The following CDH22 variants were observed in gnomAD, a reference collection of about 807,000 sequenced individuals.
The protein encoded by CDH22 is cadherin 22.
In CDH22, 30 loss-of-function variants were observed where a neutral mutation model predicts 58.4. The observed-to-expected ratio is 0.51, with a 90% CI of 0.38 to 0.70. The LOEUF (loss-of-function observed/expected upper bound fraction) is 0.70, where lower values mean the gene tolerates loss of function less well. Ranked by LOEUF, CDH22 falls within the 30% of genes least tolerant of loss-of-function variation. CDH22 has a pLI of 0.00. For missense variants in CDH22, 1,014 were observed against 1,233.9 expected, an observed-to-expected ratio of 0.82 and a Z score of 2.67; for synonymous variants, 513 against 558.2, an observed-to-expected ratio of 0.92 and a Z score of 1.14.
intron 1 of CDH22, among the ~76,000 whole-genome samples, chr20:46,274,824 A>G (rs2086509309): frequency 1.1e-5 from 1 of 93,072 alleles, no homozygotes; most frequent in Non-Finnish European, 2.5e-5. Context: ...AATGAGCCAG[A>G]TGCAAAAAAA....
chr20:46,193,449 T>C (rs528927102), intron 8 of CDH22, among the ~76,000 whole-genome samples: 2 of 152,270 alleles, frequency 1.3e-5, no homozygotes, highest in Admixed American at 1.3e-4. Context: ...GCCTCCCATA[T>C]GTTCCCCCGA....
chr20:46,174,502 G>A lies in CDH22; in HGVS notation c.*4C>T. ...CAGCCGCGCCCCGACGGCAGGGCGA[G>A]GGGCTAGGAGGCCTGGGCCTCGTCG... On this transcript the variant is annotated 3_prime_UTR_variant, in exon 12 of 12. Transcript: ENST00000537909. This position sits in a 1 kb window ranked among gnomAD's most constrained non-coding sequence, Gnocchi z 4.4. 1.3e-6 allele frequency: 2 copies of A among 1,485,750 alleles called. No individual in the cohort carries two copies. The highest frequency in any genetic ancestry group is 1.8e-6 in the Non-Finnish European group (2 of 1,125,358). 92.0% of individuals were successfully genotyped at this position (1,485,750 alleles called of 1,614,324 possible).
intron 3 of CDH22, among the ~76,000 whole-genome samples, chr20:46,234,670 T>A (rs1600709552): frequency 6.6e-6 from 1 of 152,248 alleles, no homozygotes; most frequent in East Asian, 1.9e-4. Flanking sequence ...CTATGGCATG[T>A]GCGCTATGAC....
At chr20:46,177,798 C>T in intron 11 of CDH22, 148 bp downstream of exon 11, 1 of 1,014,100 alleles carries the variant, frequency 9.9e-7, no homozygotes, top group South Asian at 1.6e-5. Context: ...CTCATGGGGG[C>T]TGCTTGTTAG....
At chr20:46,189,300 C>G (rs1055199538) in intron 8 of CDH22, among the ~76,000 whole-genome samples, 1 of 152,154 alleles carries the variant, frequency 6.6e-6, no homozygotes, top group African/African-American at 2.4e-5. Context: ...CCGGGTGAAC[C>G]GTTATTTTTA....
chr20:46,213,763 A>G (rs1364937508), intron 5 of CDH22, among the ~76,000 whole-genome samples: 1 of 152,196 alleles, frequency 6.6e-6, no homozygotes, highest in Non-Finnish European at 1.5e-5. Context: ...CTTCATTTCA[A>G]TGTATACATT....
intron 5 of CDH22, among the ~76,000 whole-genome samples, chr20:46,213,640 A>G (rs983946800): frequency 2.0e-5 from 3 of 152,186 alleles, no homozygotes; most frequent in Admixed American, 2.0e-4. Flanking sequence ...GACGCCTGTA[A>G]CATGCTTAGT....
In CDH22 at chr20:46,174,402, TG is replaced by T; in HGVS notation, c.*103del. 4 of 755,954 alleles carry T rather than the reference TG, an allele frequency of 5.3e-6. No homozygotes were observed. Among genetic ancestry groups the T allele is most frequent in the Non-Finnish European group, 7.9e-6 (4 of 505,840 alleles). 46.8% of individuals were successfully genotyped at this position (755,954 alleles called of 1,614,324 possible). A position where few individuals can be genotyped will look rare whatever the true frequency, so the allele number is the denominator to read the frequency against. On this transcript the variant is annotated 3_prime_UTR_variant, in exon 12 of 12. Coordinates refer to ENST00000537909, the MANE Select transcript of CDH22 (RefSeq NM_021248.3). The surrounding 1 kb of genome is among the most constrained non-coding windows in gnomAD (Gnocchi z 4.4). ...CTCCGTCCAGCCGCCAAGGGAGGGT[TG>T]GGGGAGGGCAGGAAAGGGGGTCCGC...
At chr20:46,258,342 G>A (rs2086416449) in intron 1 of CDH22, among the ~76,000 whole-genome samples, 1 of 152,126 alleles carries the variant, frequency 6.6e-6, no homozygotes, top group Non-Finnish European at 1.5e-5. Flanking sequence ...TGAGGCTCAG[G>A]ACACAAATCA....
rs1332847138 is a variant in CDH22, at chr20:46,174,560, G to C, written c.2433C>G (p.Pro811=). The part of the protein sequence containing the change: ...YLSSWGPRFR[P]LAALYAGHRG... Reference sequence around the variant, plus strand: ...GGTGGCCGGCGTAGAGCGCGGCCAGGGGCCGGAAGCGCGGACCCCAGCTGC... The same window carrying C: ...GGTGGCCGGCGTAGAGCGCGGCCAGCGGCCGGAAGCGCGGACCCCAGCTGC... The change falls in exon 12 of 12, where the codon CCC becomes CCG. Residue 811 remains proline (P), a synonymous_variant. Coordinates refer to ENST00000537909, the MANE Select transcript of CDH22 (RefSeq NM_021248.3). This position sits in a 1 kb window ranked among gnomAD's most constrained non-coding sequence, Gnocchi z 4.4. 1.3e-6 allele frequency: 2 copies of C among 1,526,648 alleles called. No homozygotes were observed. Among genetic ancestry groups the C allele is most frequent in the Non-Finnish European group, 1.8e-6 (2 of 1,142,570 alleles). 94.6% of individuals were successfully genotyped at this position (1,526,648 alleles called of 1,614,324 possible). A position where few individuals can be genotyped will look rare whatever the true frequency, so the allele number is the denominator to read the frequency against.
intron 2 of CDH22, among the ~76,000 whole-genome samples, chr20:46,247,896 T>C (rs1177783650): frequency 6.6e-6 from 1 of 152,076 alleles, no homozygotes; most frequent in Non-Finnish European, 1.5e-5. Flanking sequence ...GGGCTCTGGG[T>C]GAAGGTGATA....
At chr20:46,212,111 C>T (rs570437981) in intron 6 of CDH22, among the ~76,000 whole-genome samples, 6 of 152,206 alleles carry the variant, frequency 3.9e-5, no homozygotes, top group Non-Finnish European at 5.9e-5. Flanking sequence ...AGGTAAAGAG[C>T]GGGTCATTAT....
intron 3 of CDH22, among the ~76,000 whole-genome samples, chr20:46,233,831 A>G (rs555417178): frequency 1.7e-4 from 26 of 152,378 alleles, no homozygotes; most frequent in African/African-American, 5.5e-4. Flanking sequence ...GGTGAGAGCC[A>G]GTGCCGTTGC....
chr20:46,230,771 A>G (rs1381141950), intron 3 of CDH22, among the ~76,000 whole-genome samples: 1 of 152,176 alleles, frequency 6.6e-6, no homozygotes, highest in Non-Finnish European at 1.5e-5. Flanking sequence ...TAGTGCTTCC[A>G]TTTCCTCATT....
chr20:46,226,258 TC>T (rs60256255), intron 4 of CDH22, among the ~76,000 whole-genome samples: 36,332 of 75,062 alleles, frequency 0.48, 7,035 homozygotes, highest in African/African-American at 0.59. Context: ...TTCTTCTTCT[TC>T]TTCTTCTTCT....
chr20:46,283,335 G>A (rs1190626727), intron 1 of CDH22, among the ~76,000 whole-genome samples: 2 of 152,264 alleles, frequency 1.3e-5, no homozygotes, highest in Middle Eastern at 3.4e-3. Context: ...CTCAGATTCC[G>A]ATTCCAGCTG....
At chr20:46,253,456 C>T (rs1673882456) in intron 1 of CDH22, among the ~76,000 whole-genome samples, 1 of 152,122 alleles carries the variant, frequency 6.6e-6, no homozygotes, top group African/African-American at 2.4e-5. Context: ...CCCTCTTTCC[C>T]TATAGGTCCA....
intron 1 of CDH22, among the ~76,000 whole-genome samples, chr20:46,265,691 C>T (rs535849245): frequency 2.0e-5 from 3 of 152,234 alleles, no homozygotes; most frequent in East Asian, 1.9e-4. Context: ...TTGTGAGATT[C>T]GTCTTTGTTC....
At chr20:46,209,067 T>C (rs1473259506) in intron 7 of CDH22, among the ~76,000 whole-genome samples, 4 of 152,106 alleles carry the variant, frequency 2.6e-5, no homozygotes, top group Non-Finnish European at 1.5e-5. Flanking sequence ...GCAGGTAGCA[T>C]GTCAGATGGT....
Sources: gnomAD v4.1 joint callset for allele counts (sites outside exome capture counted in the v4.1 genomes callset) on GRCh38, gnomAD v4.1.1 for gene constraint, Gnocchi (gnomAD v3.1) non-coding constraint, MANE v1.5 for transcripts, NCBI Gene and HGNC (gene_info 2026-07-23, HGNC 2026-07-21) for gene names.